The following CHD5 variants were observed in gnomAD, a reference collection of about 807,000 sequenced individuals.
CHD5 encodes the protein ATP-dependent chromatin remodeler CHD5.
A neutral mutation model predicts 230.3 loss-of-function variants in CHD5; 69 were observed. The observed-to-expected ratio is 0.30, with a 90% confidence interval of 0.25 to 0.37. CHD5 has a LOEUF of 0.37. Ranked by LOEUF, CHD5 falls within the 10% of genes least tolerant of loss-of-function variation. The probability of loss-of-function intolerance (pLI) is 1.00; values close to 1 mark genes in which losing one functional copy is unlikely to be tolerated. For missense variants in CHD5, 1,827 were observed against 2,622.8 expected, an observed-to-expected ratio of 0.70 and a Z score of 6.63; for synonymous variants, 1,064 against 1,065.9, an observed-to-expected ratio of 1.00 and a Z score of 0.03.
At chr1:6,115,244 C>G (rs1666361733) in intron 33 of CHD5, among the ~76,000 whole-genome samples, 1 of 144,548 alleles carries the variant, frequency 6.9e-6, no homozygotes, top group Non-Finnish European at 1.5e-5. Context: ...GAGAGAGACT[C>G]TGTCTCAAAA....
chr1:6,152,932 T>C (rs1306217181), intron 5 of CHD5, among the ~76,000 whole-genome samples: 1 of 152,208 alleles, frequency 6.6e-6, no homozygotes, highest in Non-Finnish European at 1.5e-5. Flanking sequence ...AAAGGATGTC[T>C]TGGAGCCAAA....
At chr1:6,176,029 G>A (rs375573853) in intron 1 of CHD5, among the ~76,000 whole-genome samples, 17 of 152,114 alleles carry the variant, frequency 1.1e-4, no homozygotes, top group Admixed American at 3.3e-4. Context: ...ATGGGTGAGC[G>A]ACTGAATGAA....
chr1:6,136,975 C>T, intron 15 of CHD5, 110 bp from the exon 16 acceptor site: 1 of 1,243,888 alleles, frequency 8.0e-7, no homozygotes, highest in South Asian at 1.6e-5. Context: ...ACAAAGGCTC[C>T]ACGGAGCCCT....
chr1:6,158,876 G>A (rs896359800), intron 3 of CHD5, among the ~76,000 whole-genome samples: 24 of 148,770 alleles, frequency 1.6e-4, no homozygotes, highest in Non-Finnish European at 2.8e-4. Context: ...GCGTAGTGGC[G>A]GGCGCCTGTA....
At chr1:6,160,846 C>T (rs1366311415) in intron 2 of CHD5, among the ~76,000 whole-genome samples, 1 of 152,214 alleles carries the variant, frequency 6.6e-6, no homozygotes, top group East Asian at 1.9e-4. Flanking sequence ...CCAGAGCACC[C>T]CACCAGAGAG....
intron 17 of CHD5, among the ~76,000 whole-genome samples, chr1:6,136,145 C>T (rs573532756): frequency 7.9e-4 from 121 of 152,242 alleles, no homozygotes; most frequent in Non-Finnish European, 1.5e-3. Context: ...CGGTGGGCTC[C>T]GGCCACCGGG....
chr1:6,160,463 GAGA>G (rs1423692559), intron 2 of CHD5, among the ~76,000 whole-genome samples: 4 of 148,910 alleles, frequency 2.7e-5, no homozygotes, highest in African/African-American at 9.9e-5. Flanking sequence ...GCCCCAGCCA[GAGA>G]AGGAGAGCCC....
intron 2 of CHD5, among the ~76,000 whole-genome samples, chr1:6,166,800 G>A (rs368548470): frequency 6.6e-5 from 10 of 152,206 alleles, no homozygotes; most frequent in Admixed American, 3.9e-4. Context: ...CCCCAGGGCC[G>A]CCAGGGGAGC....
At position 6,154,950 on chromosome 1, in the gene CHD5, C is replaced by T. The variant is rs745572733; in HGVS notation, c.507-52G>A. On this transcript the variant is annotated intron_variant, in intron 4 of 41. Transcript: ENST00000262450. The surrounding 1 kb of genome is among the most constrained non-coding windows in gnomAD (Gnocchi z 7.0). The stretch of plus-strand genomic sequence containing the variant: ...GGGCAAGGCCAGGTGAGATGAGAGG[C>T]CCACCCGACCCCCGGCAGGGCCCAC... The T allele has an allele frequency of 6.6e-6, 10 of 1,508,216 alleles. No homozygotes were observed. In the Admixed American group the frequency reaches 9.0e-5, roughly 14 times the overall value. 93.4% of individuals were successfully genotyped at this position (1,508,216 alleles called of 1,614,324 possible).
At position 6,103,875 on chromosome 1, in the gene CHD5, T is replaced by C. The variant is rs1406447562; in HGVS notation, c.*1599A>G. 6.6e-6 allele frequency: 1 copy of C among 151,904 alleles called. No homozygotes were observed. The highest frequency in any genetic ancestry group is 1.5e-5 in the Non-Finnish European group (1 of 67,978). 9.4% of individuals were successfully genotyped at this position (151,904 alleles called of 1,614,324 possible). Reference sequence around the variant, plus strand: ...GGAGGGCCAGGCAATCGCTCCAGTGTCTGCAACACAAGCTGGTGAATCCTG... The same window carrying C: ...GGAGGGCCAGGCAATCGCTCCAGTGCCTGCAACACAAGCTGGTGAATCCTG... On this transcript the variant is annotated 3_prime_UTR_variant, in exon 42 of 42. Coordinates refer to ENST00000262450, the MANE Select transcript of CHD5 (RefSeq NM_015557.3).
Position 6,167,201 on chromosome 1 carries a change from C to T in CHD5, c.207+949G>A, listed in dbSNP as rs1667269636. On this transcript the variant is annotated intron_variant, in intron 2 of 41. Coordinates refer to ENST00000262450, the MANE Select transcript of CHD5 (RefSeq NM_015557.3). This position sits in a 1 kb window ranked among gnomAD's most constrained non-coding sequence, Gnocchi z 4.5. ...GAGCTGGCCTCAGGTCCCCCCGGGG[C>T]AGGTGGGAGGGGAGAAACACTCCTG... Among the ~76,000 whole-genome samples, 1 of 151,584 alleles carries T rather than the reference C, an allele frequency of 6.6e-6. No individual in the cohort carries two copies. Among genetic ancestry groups the T allele is most frequent in the African/African-American group, 2.4e-5 (1 of 40,852 alleles).
intron 15 of CHD5, among the ~76,000 whole-genome samples, chr1:6,139,114 G>C (rs753661284): frequency 6.6e-6 from 1 of 152,160 alleles, no homozygotes; most frequent in Non-Finnish European, 1.5e-5. Context: ...GAGGTGGTGG[G>C]GATGTTCATG....
intron 1 of CHD5, among the ~76,000 whole-genome samples, chr1:6,168,844 C>T (rs1667292935): frequency 6.6e-6 from 1 of 152,026 alleles, no homozygotes; most frequent in South Asian, 2.1e-4. Flanking sequence ...CACGATGAAA[C>T]CCCGTCTCTA....
chr1:6,150,830 C>G (rs1031155086), intron 7 of CHD5, among the ~76,000 whole-genome samples: 4 of 152,178 alleles, frequency 2.6e-5, no homozygotes, highest in Admixed American at 6.5e-5. Flanking sequence ...CCTCCCCAGA[C>G]AGTAGAAACC....
rs1482059598 is a variant in CHD5, at chr1:6,125,565, G to T, written c.4219C>A (p.Pro1407Thr). The T allele has an allele frequency of 6.2e-7, 1 of 1,601,852 alleles. No homozygotes were observed. The highest frequency in any genetic ancestry group is 1.3e-5 in the African/African-American group (1 of 74,576). ...RRQLKSDRDK[P>T]LPPLLARVGG... is the part of the protein sequence containing the mutation. ...ACTCGGGCGAGAAGCGGGGGCAGGGGCTTGTCCCTGTCACTCTTCAGCTGC... is the reference window on the plus strand; with the variant it reads ...ACTCGGGCGAGAAGCGGGGGCAGGGTCTTGTCCCTGTCACTCTTCAGCTGC... Residue 1407 changes from proline (P) to threonine (T), a missense_variant, in exon 28 of 42, where the codon CCC becomes ACC. This residue lies in a region of CHD5 where 137 missense variants were observed against 272.7 expected (regional missense o/e 0.50). Coordinates refer to ENST00000262450, the MANE Select transcript of CHD5 (RefSeq NM_015557.3). The surrounding 1 kb of genome is among the most constrained non-coding windows in gnomAD (Gnocchi z 6.7).
intron 2 of CHD5, among the ~76,000 whole-genome samples, chr1:6,160,835 A>G (rs1439339979): frequency 6.6e-6 from 1 of 152,224 alleles, no homozygotes; most frequent in Non-Finnish European, 1.5e-5. Flanking sequence ...GGCGTTTACA[A>G]CCAGAGCACC....
chr1:6,134,781 G>A lies in CHD5; in HGVS notation c.2949C>T (p.Leu983=). The A allele has an allele frequency of 2.5e-6, 4 of 1,614,154 alleles. No individual in the cohort carries two copies. The highest frequency in any genetic ancestry group is 3.4e-6 in the Non-Finnish European group (4 of 1,179,974). ...ACTTTTTCAGGTCCATCATGATGTT[G>A]AGCAGCGATACTTGGTTCCCGCCCC... ...SKGGGNQVSL[L]NIMMDLKKCC... Residue 983 remains leucine (L), a synonymous_variant, in exon 19 of 42, where the codon CTC becomes CTT. Coordinates refer to ENST00000262450, the MANE Select transcript of CHD5 (RefSeq NM_015557.3). This position sits in a 1 kb window ranked among gnomAD's most constrained non-coding sequence, Gnocchi z 6.3.
chr1:6,130,409 GA>G lies in CHD5; in HGVS notation c.3263-82del. 1 of 1,294,878 alleles carries G rather than the reference GA, an allele frequency of 7.7e-7. No homozygotes were observed. Among genetic ancestry groups the G allele is most frequent in the Non-Finnish European group, 1.1e-6 (1 of 919,022 alleles). The allele number at this position is 1,294,878 out of a possible 1,614,324, so 80.2% of individuals were successfully genotyped here. On this transcript the variant is annotated intron_variant, in intron 21 of 41. Transcript: ENST00000262450. This position sits in a 1 kb window ranked among gnomAD's most constrained non-coding sequence, Gnocchi z 4.9. Reference sequence around the variant, plus strand: ...CAGAAAGGATGGGGGAGAGAACAGAGAGAAGGAACTGCAGCAACAGATCCCT... The same window carrying G: ...CAGAAAGGATGGGGGAGAGAACAGAGGAAGGAACTGCAGCAACAGATCCCT...
In CHD5 at chr1:6,130,181, T is replaced by C. The variant is rs1383097011; in HGVS notation, c.3387+23A>G. On this transcript the variant is annotated intron_variant, in intron 22 of 41. Coordinates refer to ENST00000262450, the MANE Select transcript of CHD5 (RefSeq NM_015557.3). This position sits in a 1 kb window ranked among gnomAD's most constrained non-coding sequence, Gnocchi z 4.9. ...CGGGATGAGAGGCCCCCTGGGAGGG[T>C]GGTGGGCGGCAGCAGCACAGACCTG... 3 of 1,611,730 alleles carry C rather than the reference T, an allele frequency of 1.9e-6. No individual in the cohort carries two copies. The highest frequency in any genetic ancestry group is 2.5e-6 in the Non-Finnish European group (3 of 1,178,752).
Sources: allele counts gnomAD v4.1 joint callset (sites outside exome capture counted in the v4.1 genomes callset), GRCh38; gene constraint gnomAD v4.1.1; regional missense constraint gnomAD v4.1.1; non-coding constraint Gnocchi (gnomAD v3.1); transcripts MANE v1.5; gene names NCBI Gene and HGNC (gene_info 2026-07-23, HGNC 2026-07-21).